TSHZ1: variants seen among roughly 807,000 people sequenced by gnomAD.
The protein encoded by TSHZ1 is teashirt homolog 1.
TSHZ1 carries 12 observed loss-of-function variants against 67.1 expected under a neutral mutation model. The ratio of observed to expected loss-of-function variants is 0.18; its 90% CI spans 0.11 to 0.29. The LOEUF (loss-of-function observed/expected upper bound fraction) is 0.29. TSHZ1 is among the 10% of genes least tolerant of loss of function. TSHZ1 has a pLI of 1.00. For missense variants in TSHZ1, 1,305 were observed against 1,413.9 expected, an observed-to-expected ratio of 0.92 and a Z score of 1.23; for synonymous variants, 632 against 622.4, an observed-to-expected ratio of 1.02 and a Z score of -0.23.
Position 75,287,978 on chromosome 18 carries a change from G to A in TSHZ1, c.2571G>A (p.Thr857=), listed in dbSNP as rs751917210. ...GCCGCCTGACGCCCAAGTCCTCCAC[G>A]CCCTCCACAGTTTCAGAGAAGTCCG... is the stretch of plus-strand genomic sequence containing the variant. ...LTGRLTPKSS[T]PSTVSEKSDA... is the part of the protein sequence containing the mutation. The change falls in exon 2 of 2, where the codon ACG becomes ACA. Residue 857 remains threonine (T), a synonymous_variant. Transcript: ENST00000580243. This position sits in a 1 kb window ranked among gnomAD's most constrained non-coding sequence, Gnocchi z 5.0. The A allele has an allele frequency of 9.9e-6, 16 of 1,614,026 alleles. No individual in the cohort carries two copies. The highest frequency in any genetic ancestry group is 4.5e-5 in the East Asian group (2 of 44,874).
rs778149089 is a variant in TSHZ1 at position 75,281,054 on chromosome 18, G to A, written c.41-4394G>A. Among the ~76,000 whole-genome samples the A allele has an allele frequency of 2.0e-4, 31 of 152,312 alleles. No individual in the cohort carries two copies. Among genetic ancestry groups the A allele is most frequent in the Admixed American group, 2.0e-4 (3 of 15,304 alleles). ...GAGGGCTGGGCACAGGCGGGGCAGC[G>A]GTGAGGGTCCAGACGCCCTGCCTGG... On this transcript the variant is annotated intron_variant, in intron 1 of 1. Coordinates refer to ENST00000580243, the MANE Select transcript of TSHZ1 (RefSeq NM_001308210.2). The surrounding 1 kb of genome is among the most constrained non-coding windows in gnomAD (Gnocchi z 5.3).
chr18:75,279,784 G>A (rs994543105), intron 1 of TSHZ1, among the ~76,000 whole-genome samples: 4 of 152,164 alleles, frequency 2.6e-5, no homozygotes, highest in Admixed American at 1.3e-4. Flanking sequence ...TTCCTGCCCC[G>A]GGCTGGGCCC....
chr18:75,267,107 G>T (rs1291119009), intron 1 of TSHZ1, among the ~76,000 whole-genome samples: 1 of 152,140 alleles, frequency 6.6e-6, no homozygotes, highest in Non-Finnish European at 1.5e-5. Context: ...GACACAAATT[G>T]CATGGCTCTA....
chr18:75,234,297 T>A (rs547878360), intron 1 of TSHZ1, among the ~76,000 whole-genome samples: 9 of 152,316 alleles, frequency 5.9e-5, no homozygotes, highest in African/African-American at 2.2e-4. Context: ...GCCCTCTCCT[T>A]AACTCCTTCT....
At chr18:75,233,308 G>C (rs372094422) in intron 1 of TSHZ1, among the ~76,000 whole-genome samples, 1 of 152,174 alleles carries the variant, frequency 6.6e-6, no homozygotes, top group East Asian at 1.9e-4. Context: ...CTCACTTTTG[G>C]GGGAATTTGG....
At chr18:75,283,022 A>T (rs1438787113) in intron 1 of TSHZ1, 2 of 152,314 alleles carry the variant, frequency 1.3e-5, no homozygotes, top group African/African-American at 2.4e-5. Flanking sequence ...CCCTTTCACA[A>T]AGATGGGTTG....
At chr18:75,224,174 T>C (rs1362067606) in intron 1 of TSHZ1, among the ~76,000 whole-genome samples, 1 of 151,552 alleles carries the variant, frequency 6.6e-6, no homozygotes, top group East Asian at 1.9e-4. Context: ...TCTTTCAACC[T>C]AATAGATGTT....
At position 75,261,167 on chromosome 18, in the gene TSHZ1, C is replaced by T. The variant is rs376716347; in HGVS notation, c.41-24281C>T. 8.2e-4 allele frequency among the ~76,000 whole-genome samples: 125 copies of T among 151,950 alleles called. 1 individual carries two copies. Among genetic ancestry groups the T allele is most frequent in the African/African-American group, 2.9e-3 (121 of 41,436 alleles). On this transcript the variant is annotated intron_variant, in intron 1 of 1. Coordinates refer to ENST00000580243, the MANE Select transcript of TSHZ1 (RefSeq NM_001308210.2). ...ACAAACAACTCTAAGGACTACTACCCCGCCAAGTAGGAAAAGGAAAGGAGA... is the reference window on the plus strand; with the variant it reads ...ACAAACAACTCTAAGGACTACTACCTCGCCAAGTAGGAAAAGGAAAGGAGA...
At chr18:75,268,801 C>T (rs1011803271) in intron 1 of TSHZ1, among the ~76,000 whole-genome samples, 4 of 152,196 alleles carry the variant, frequency 2.6e-5, no homozygotes, top group Non-Finnish European at 4.4e-5. Flanking sequence ...TGGTGTAGCG[C>T]GATGTCTCTG....
In TSHZ1 at chr18:75,289,775, C is replaced by CA. The variant is rs2023836987; in HGVS notation, c.*1135dup. ...CTGCATCTCTCCAGATGCATGTACTCAGAGGGACTGTCAGACAAAAATAAA... is the reference window on the plus strand; with the variant it reads ...CTGCATCTCTCCAGATGCATGTACTCAAGAGGGACTGTCAGACAAAAATAAA... On this transcript the variant is annotated 3_prime_UTR_variant, in exon 2 of 2. Coordinates refer to ENST00000580243, the MANE Select transcript of TSHZ1 (RefSeq NM_001308210.2). 1.2e-5 allele frequency: 2 copies of CA among 167,054 alleles called. No homozygotes were observed. 10.3% of individuals were successfully genotyped at this position (167,054 alleles called of 1,614,324 possible).
rs144080466 is a variant in TSHZ1, at chr18:75,224,743, T to C, written c.40+12827T>C. Among the ~76,000 whole-genome samples, 1,078 of 152,280 alleles carry C rather than the reference T, an allele frequency of 7.1e-3. 7 individuals are homozygous for C. Among genetic ancestry groups the C allele is most frequent in the South Asian group, 0.037 (179 of 4,824 alleles). On this transcript the variant is annotated intron_variant, in intron 1 of 1. Coordinates refer to ENST00000580243, the MANE Select transcript of TSHZ1 (RefSeq NM_001308210.2). Reference sequence around the variant, plus strand: ...ATCAATGCTTGCACACAGTATAGGATACAGGGTGGTGGGGAGGGGTGCGGC... The same window carrying C: ...ATCAATGCTTGCACACAGTATAGGACACAGGGTGGTGGGGAGGGGTGCGGC...
intron 1 of TSHZ1, among the ~76,000 whole-genome samples, chr18:75,253,090 A>G (rs1257529092): frequency 1.3e-5 from 2 of 152,196 alleles, no homozygotes; most frequent in Admixed American, 6.5e-5. Context: ...CTTATTTGCT[A>G]CTATTAAGTT....
At chr18:75,226,311 G>A (rs1167864172) in intron 1 of TSHZ1, among the ~76,000 whole-genome samples, 1 of 152,134 alleles carries the variant, frequency 6.6e-6, no homozygotes, top group South Asian at 2.1e-4. Flanking sequence ...TGTGGTTCTA[G>A]AACCTTCTAT....
intron 1 of TSHZ1, among the ~76,000 whole-genome samples, chr18:75,266,305 C>A (rs550151377): frequency 6.6e-6 from 1 of 152,322 alleles, no homozygotes; most frequent in South Asian, 2.1e-4. Context: ...AGGAAAGCCT[C>A]TGACTTCAAT....
At chr18:75,267,657 T>C (rs1337673718) in intron 1 of TSHZ1, among the ~76,000 whole-genome samples, 1 of 152,256 alleles carries the variant, frequency 6.6e-6, no homozygotes, top group Non-Finnish European at 1.5e-5. Flanking sequence ...ACAGAAATGA[T>C]GCTGGGTATA....
In TSHZ1 at chr18:75,287,887, C is replaced by G. The variant is rs1272925884; in HGVS notation, c.2480C>G (p.Ser827Trp). The G allele has an allele frequency of 4.3e-6, 7 of 1,614,092 alleles. No individual in the cohort carries two copies. The highest frequency in any genetic ancestry group is 5.9e-6 in the Non-Finnish European group (7 of 1,180,050). ...NKPLVSSVAD[S>W]VASPLRESAL... ...CCGCTGGTGTCCAGCGTGGCTGATTCGGTGGCATCACCTCTGCGGGAGAGC... is the reference window on the plus strand; with the variant it reads ...CCGCTGGTGTCCAGCGTGGCTGATTGGGTGGCATCACCTCTGCGGGAGAGC... The change falls in exon 2 of 2, where the codon TCG becomes TGG. Residue 827 changes from serine to tryptophan, a missense_variant. Ser to Trp is a radical substitution (Grantham distance 177). Transcript: ENST00000580243. The surrounding 1 kb of genome is among the most constrained non-coding windows in gnomAD (Gnocchi z 5.0).
At chr18:75,248,716 CAT>C (rs2023254736) in intron 1 of TSHZ1, among the ~76,000 whole-genome samples, 1 of 152,200 alleles carries the variant, frequency 6.6e-6, no homozygotes, top group African/African-American at 2.4e-5. Context: ...TTAACTATGA[CAT>C]ATAGATATAC....
intron 1 of TSHZ1, among the ~76,000 whole-genome samples, chr18:75,249,767 T>C (rs1293916280): frequency 1.6e-5 from 2 of 125,346 alleles, no homozygotes; most frequent in Non-Finnish European, 3.4e-5. Flanking sequence ...TGGGGGGAGG[T>C]TACTTCCTCC....
intron 1 of TSHZ1, among the ~76,000 whole-genome samples, chr18:75,271,499 C>G (rs964429168): frequency 6.6e-6 from 1 of 152,168 alleles, no homozygotes; most frequent in Non-Finnish European, 1.5e-5. Flanking sequence ...CACCCTGGGC[C>G]TGTGTCTTCC....
Sources: gnomAD v4.1 joint callset for allele counts (sites outside exome capture counted in the v4.1 genomes callset) on GRCh38, gnomAD v4.1.1 for gene constraint, Gnocchi (gnomAD v3.1) non-coding constraint, MANE v1.5 for transcripts, NCBI Gene and HGNC (gene_info 2026-07-23, HGNC 2026-07-21) for gene names.